The following MXI1 variants were observed in gnomAD, a reference collection of about 807,000 sequenced individuals.
MXI1 encodes MAX interactor 1, dimerization protein.
In MXI1, 18 loss-of-function variants were observed where a neutral mutation model predicts 36.9. That is an observed-to-expected ratio of 0.49 (90% CI 0.34 to 0.72). The LOEUF (loss-of-function observed/expected upper bound fraction) is 0.72. Among genes scored for constraint, MXI1 ranks in the 30% least tolerant of loss-of-function variants. The pLI is 0.01. For synonymous variants in MXI1, 160 were observed against 146.7 expected (o/e 1.09, Z -0.65); for missense variants, 304 against 379.1 (o/e 0.80, Z 1.64).
At chr10:110,259,025 T>C (rs1258355791) in intron 3 of MXI1, among the ~76,000 whole-genome samples, 1 of 152,114 alleles carries the variant, frequency 6.6e-6, no homozygotes, top group Non-Finnish European at 1.5e-5. Context: ...AATGAGATTA[T>C]GAGATCTTAA....
intron 3 of MXI1, among the ~76,000 whole-genome samples, chr10:110,248,337 A>C (rs917626338): frequency 6.6e-6 from 1 of 152,220 alleles, no homozygotes; most frequent in African/African-American, 2.4e-5. Flanking sequence ...CTAAAACTTA[A>C]AGTATAAAAA....
At chr10:110,280,565 A>G (rs1247972456) in intron 5 of MXI1, among the ~76,000 whole-genome samples, 1 of 151,814 alleles carries the variant, frequency 6.6e-6, no homozygotes, top group East Asian at 1.9e-4. Context: ...CTGTAGTCCT[A>G]GCTACTCGGG....
intron 5 of MXI1, among the ~76,000 whole-genome samples, chr10:110,284,134 GTTT>G (rs964853179): frequency 7.0e-6 from 1 of 142,766 alleles, no homozygotes; most frequent in African/African-American, 2.6e-5. Flanking sequence ...TATTTGTGGT[GTTT>G]TTTTTTTTTA....
chr10:110,212,386 G>T (rs558416362), intron 1 of MXI1, among the ~76,000 whole-genome samples: 27 of 152,306 alleles, frequency 1.8e-4, no homozygotes, highest in African/African-American at 6.3e-4. Context: ...AGATCCACCA[G>T]CAAGCAGGCT....
chr10:110,215,076 C>T lies in MXI1; in HGVS notation c.274+6994C>T, dbSNP rs368336493. On this transcript the variant is annotated intron_variant, in intron 1 of 5. Coordinates refer to ENST00000332674, the MANE Select transcript of MXI1 (RefSeq NM_130439.3). Reference sequence around the variant, plus strand: ...TTTTTTTTTGAGATGGAGTCTCACTCTGTTGCCCAGGCTGGAGTGCATTGG... The same window carrying T: ...TTTTTTTTTGAGATGGAGTCTCACTTTGTTGCCCAGGCTGGAGTGCATTGG... Among the ~76,000 whole-genome samples, 62 of 126,100 alleles carry T rather than the reference C, an allele frequency of 4.9e-4. No individual in the cohort carries two copies. The East Asian group carries it at 0.01, about 21-fold the overall frequency. The allele number at this position is 126,100 out of a possible 152,430, so 82.7% of individuals were successfully genotyped here. A position where few individuals can be genotyped will look rare whatever the true frequency, so the allele number is the denominator to read the frequency against.
chr10:110,224,028 G>A (rs1481341922), intron 1 of MXI1, among the ~76,000 whole-genome samples: 3 of 152,104 alleles, frequency 2.0e-5, no homozygotes, highest in Non-Finnish European at 4.4e-5. Flanking sequence ...CAAAAGGTAT[G>A]AGGGAAAGGT....
At chr10:110,277,294 A>G (rs983270709) in intron 3 of MXI1, among the ~76,000 whole-genome samples, 3 of 152,240 alleles carry the variant, frequency 2.0e-5, no homozygotes, top group Non-Finnish European at 2.9e-5. Flanking sequence ...AGAAGACTGA[A>G]TTTAAAGCAG....
rs754875136 is a variant in MXI1 at position 110,280,019 on chromosome 10, A to G, written c.658A>G (p.Met220Val). 6 of 1,610,330 alleles carry G rather than the reference A, an allele frequency of 3.7e-6. No homozygotes were observed. Among genetic ancestry groups the G allele is most frequent in the Non-Finnish European group, 5.1e-6 (6 of 1,177,580 alleles). Residue 220 changes from methionine to valine, a missense_variant, in exon 5 of 6, where the codon ATG becomes GTG. Physicochemically the swap from Met to Val is conservative, Grantham distance 21. Around this residue, in one of 2 missense-constraint regions of MXI1, gnomAD observed 125 missense variants for 194.3 expected, o/e 0.64. Coordinates refer to ENST00000332674, the MANE Select transcript of MXI1 (RefSeq NM_130439.3). ...GGAACAGCTGCAGGGTCCTCAGGAGATGGAACGAATACGAATGGACAGCAT... is the reference window on the plus strand; with the variant it reads ...GGAACAGCTGCAGGGTCCTCAGGAGGTGGAACGAATACGAATGGACAGCAT... The part of the protein sequence containing the change: ...RLEQLQGPQE[M>V]ERIRMDSIGS...
At position 110,285,058 on chromosome 10, in the gene MXI1, T is replaced by C; in HGVS notation, c.*71T>C. The C allele has an allele frequency of 6.9e-7, 1 of 1,450,382 alleles. No homozygotes were observed. Among genetic ancestry groups the C allele is most frequent in the Non-Finnish European group, 9.3e-7 (1 of 1,080,266 alleles). The allele number at this position is 1,450,382 out of a possible 1,614,324, so 89.8% of individuals were successfully genotyped here. A position where few individuals can be genotyped will look rare whatever the true frequency, so the allele number is the denominator to read the frequency against. On this transcript the variant is annotated 3_prime_UTR_variant, in exon 6 of 6. Transcript: ENST00000332674. ...AATTCAATACAAACAATCTCTTAAA[T>C]TGGGTTCATGATGCAGTCTCCTCTT...
chr10:110,231,151 G>C (rs967126432), intron 2 of MXI1, among the ~76,000 whole-genome samples: 2 of 152,212 alleles, frequency 1.3e-5, no homozygotes, highest in African/African-American at 4.8e-5. Flanking sequence ...TGGATTGCCT[G>C]AGGTCAGGAG....
At chr10:110,250,867 T>C (rs1260836671) in intron 3 of MXI1, among the ~76,000 whole-genome samples, 4 of 150,158 alleles carry the variant, frequency 2.7e-5, no homozygotes, top group Admixed American at 2.0e-4. Flanking sequence ...TTAACAGGAC[T>C]CTGATGGTCA....
intron 3 of MXI1, 165 bp downstream of exon 3, chr10:110,245,022 A>T (rs3793887): frequency 0.039 from 26,726 of 684,602 alleles, 2,198 homozygotes; most frequent in East Asian, 0.26. Context: ...AAATGATTTA[A>T]TAGTAAGCTT....
intron 1 of MXI1, among the ~76,000 whole-genome samples, chr10:110,223,894 G>A (rs993513880): frequency 7.9e-5 from 12 of 151,934 alleles, no homozygotes; most frequent in African/African-American, 2.7e-4. Context: ...TTGATGGAAC[G>A]TCTATTTGGT....
intron 1 of MXI1, among the ~76,000 whole-genome samples, chr10:110,209,158 C>T (rs1429261012): frequency 6.6e-6 from 1 of 152,150 alleles, no homozygotes; most frequent in Non-Finnish European, 1.5e-5. Context: ...AGCGCCCTAA[C>T]GGGGGCACGC....
At chr10:110,214,397 G>A (rs1012772453) in intron 1 of MXI1, among the ~76,000 whole-genome samples, 1 of 151,752 alleles carries the variant, frequency 6.6e-6, no homozygotes, top group African/African-American at 2.4e-5. Context: ...TCAAGTTTAG[G>A]GCTCCTAGGA....
At chr10:110,260,655 AAGT>A (rs1270789219) in intron 3 of MXI1, among the ~76,000 whole-genome samples, 1 of 152,056 alleles carries the variant, frequency 6.6e-6, no homozygotes, top group East Asian at 1.9e-4. Flanking sequence ...GAACTTTGAT[AAGT>A]AGTAAATATT....
At chr10:110,256,602 CAAAAAAAAAAAAAA>C (rs58267076) in intron 3 of MXI1, among the ~76,000 whole-genome samples, 4 of 48,870 alleles carry the variant, frequency 8.2e-5, no homozygotes, top group African/African-American at 1.7e-4. Context: ...GACTCTGTCT[CAAAAAAAAAAAAAA>C]AAAAAAAAAA....
chr10:110,228,381 A>G (rs1251860699), intron 2 of MXI1, 60 bp downstream of exon 2: 47 of 1,602,262 alleles, frequency 2.9e-5, no homozygotes, highest in South Asian at 8.9e-5. Flanking sequence ...TTTCTCCTGT[A>G]ATCCCAAGTC....
intron 3 of MXI1, among the ~76,000 whole-genome samples, chr10:110,249,759 TATAAA>T (rs1856005720): frequency 6.6e-6 from 1 of 152,100 alleles, no homozygotes; most frequent in Non-Finnish European, 1.5e-5. Context: ...TGGATTATGA[TATAAA>T]ATACTGTGGG....
Sources: gnomAD v4.1 joint callset for allele counts (sites outside exome capture counted in the v4.1 genomes callset) on GRCh38, gnomAD v4.1.1 for gene constraint, gnomAD v4.1.1 regional missense constraint, MANE v1.5 for transcripts, NCBI Gene and HGNC (gene_info 2026-07-23, HGNC 2026-07-21) for gene names.